LIMCH1: variants seen among roughly 807,000 people sequenced by gnomAD.
The protein encoded by LIMCH1 is LIM and calponin homology domains-containing protein 1.
Under a neutral mutation model 176.5 loss-of-function variants are expected in LIMCH1, and 113 were observed. That is an observed-to-expected ratio of 0.64 (90% CI 0.55 to 0.75). The LOEUF (loss-of-function observed/expected upper bound fraction) is 0.75, where lower values mean the gene tolerates loss of function less well. Among genes scored for constraint, LIMCH1 ranks in the 30% least tolerant of loss-of-function variants. LIMCH1 has a pLI of 0.00. For synonymous variants in LIMCH1, 619 were observed against 645.9 expected, an observed-to-expected ratio of 0.96 and a Z score of 0.63; for missense variants, 1,674 against 1,814.9, an observed-to-expected ratio of 0.92 and a Z score of 1.41.
At chr4:41,527,382 G>A (rs1307811625) in intron 3 of LIMCH1, among the ~76,000 whole-genome samples, 42 of 152,164 alleles carry the variant, frequency 2.8e-4, no homozygotes, top group Non-Finnish European at 4.4e-5. Context: ...CAAACTTACC[G>A]ATATCTATAA....
At chr4:41,514,279 G>A (rs1438726072) in intron 2 of LIMCH1, among the ~76,000 whole-genome samples, 4 of 152,150 alleles carry the variant, frequency 2.6e-5, no homozygotes. Flanking sequence ...TTTCTGTGAT[G>A]TGTGATAAAT....
At chr4:41,441,322 T>C (rs1241736203) in intron 1 of LIMCH1, among the ~76,000 whole-genome samples, 1 of 152,242 alleles carries the variant, frequency 6.6e-6, no homozygotes, top group African/African-American at 2.4e-5. Context: ...CTAATTAATG[T>C]ATTTTTAAAA....
At position 41,483,237 on chromosome 4, in the gene LIMCH1, T is replaced by C. The variant is rs1007991261; in HGVS notation, c.97-11299T>C. ...GAAGGAGAGAATGTATTTCTGCCTT[T>C]TGAGCTGGCAGGATAAAATGAAAAG... is the stretch of plus-strand genomic sequence containing the variant. On this transcript the variant is annotated intron_variant, in intron 1 of 26. Transcript: ENST00000313860. 9.2e-5 allele frequency among the ~76,000 whole-genome samples: 14 copies of C among 152,196 alleles called. No individual in the cohort carries two copies. The South Asian group carries it at 2.9e-3, about 32-fold the overall frequency.
chr4:41,457,930 A>G (rs185468053), intron 1 of LIMCH1, among the ~76,000 whole-genome samples: 17 of 152,346 alleles, frequency 1.1e-4, no homozygotes, highest in Admixed American at 1.1e-3. Context: ...TAGATGAGGA[A>G]CTACGAAATG....
At chr4:41,386,700 T>A (rs559561645) in intron 1 of LIMCH1, among the ~76,000 whole-genome samples, 1 of 152,226 alleles carries the variant, frequency 6.6e-6, no homozygotes, top group Non-Finnish European at 1.5e-5. Context: ...CCTGGCGTCA[T>A]GTGGGATACT....
chr4:41,677,213 T>G (rs190557721), intron 23 of LIMCH1, among the ~76,000 whole-genome samples: 452 of 149,788 alleles, frequency 3.0e-3, no homozygotes, highest in Middle Eastern at 0.018. Context: ...AGTTGGAGAC[T>G]AGCCTGAGAC....
In LIMCH1 at chr4:41,603,673, C is replaced by T. The variant is rs141535284; in HGVS notation, c.-133-202C>T. 5.2e-3 allele frequency among the ~76,000 whole-genome samples: 786 copies of T among 152,202 alleles called. 1 individual carries two copies. Among genetic ancestry groups the T allele is most frequent in the South Asian group, 0.01 (49 of 4,818 alleles). On this transcript the variant is annotated intron_variant, in intron 2 of 31. Transcript: ENST00000503057. ...TATAGCGTACTGTGGAACTTTAATC[C>T]CACCTTGTCCTTCTACATTTTGTTT...
intron 1 of LIMCH1, among the ~76,000 whole-genome samples, chr4:41,570,031 C>A (rs6850988): frequency 0.25 from 38,204 of 152,096 alleles, 6,025 homozygotes; most frequent in African/African-American, 0.44. Context: ...GTCTGCCCAG[C>A]ATGAACCACA....
At chr4:41,563,659 G>A (rs1471629693) in intron 1 of LIMCH1, among the ~76,000 whole-genome samples, 4 of 152,122 alleles carry the variant, frequency 2.6e-5, no homozygotes, top group Non-Finnish European at 2.9e-5. Context: ...TTGGAGAACA[G>A]CACCTCCCTC....
At chr4:41,528,620 G>A (rs147809206) in intron 3 of LIMCH1, among the ~76,000 whole-genome samples, 119 of 152,244 alleles carry the variant, frequency 7.8e-4, no homozygotes, top group Middle Eastern at 3.4e-3. Flanking sequence ...GCCACTGACC[G>A]TCTGTTGATC....
At chr4:41,671,370 T>C (rs1283499246) in intron 21 of LIMCH1, among the ~76,000 whole-genome samples, 184 bp from the exon 22 acceptor site, 1 of 151,068 alleles carries the variant, frequency 6.6e-6, no homozygotes, top group Non-Finnish European at 1.5e-5. Flanking sequence ...TGCTTTATTA[T>C]GATTTTCTAA....
intron 22 of LIMCH1, among the ~76,000 whole-genome samples, chr4:41,674,758 G>A (rs928821753): frequency 6.6e-6 from 1 of 152,238 alleles, no homozygotes; most frequent in Non-Finnish European, 1.5e-5. Context: ...ATGATAAAGT[G>A]TTGAATATCT....
chr4:41,456,304 A>C (rs1378915161), intron 1 of LIMCH1, among the ~76,000 whole-genome samples: 2 of 152,000 alleles, frequency 1.3e-5, no homozygotes, highest in Non-Finnish European at 2.9e-5. Context: ...TGCATCTTTG[A>C]TGCAAATTTT....
intron 1 of LIMCH1, among the ~76,000 whole-genome samples, chr4:41,598,124 A>T (rs963202592): frequency 6.6e-6 from 1 of 152,144 alleles, no homozygotes; most frequent in Non-Finnish European, 1.5e-5. Context: ...ACAGTTAGAG[A>T]CTTGTAGCTG....
At chr4:41,694,205 G>A (rs1375275924) in intron 31 of LIMCH1, among the ~76,000 whole-genome samples, 3 of 152,050 alleles carry the variant, frequency 2.0e-5, no homozygotes, top group African/African-American at 7.2e-5. Flanking sequence ...TAGAAAACAA[G>A]GCCCATTGTT....
chr4:41,638,861 C>T (rs6836918), intron 13 of LIMCH1, 71 bp from the exon 14 acceptor site: 337,832 of 1,300,812 alleles, frequency 0.26, 46,469 homozygotes, highest in South Asian at 0.34. Flanking sequence ...CCGGCAGTTT[C>T]TATTTCCAGC....
intron 1 of LIMCH1, among the ~76,000 whole-genome samples, chr4:41,413,327 T>A (rs1374888277): frequency 6.6e-6 from 1 of 151,766 alleles, no homozygotes; most frequent in East Asian, 1.9e-4. Flanking sequence ...TGAAAATGTA[T>A]CTACAATTTG....
intron 13 of LIMCH1, among the ~76,000 whole-genome samples, chr4:41,638,373 A>G (rs2093685407): frequency 6.6e-6 from 1 of 152,200 alleles, no homozygotes; most frequent in Non-Finnish European, 1.5e-5. Flanking sequence ...TTTCTGTCAA[A>G]TGCATGCGGA....
At chr4:41,540,859 G>A (rs6851430) in intron 1 of LIMCH1, among the ~76,000 whole-genome samples, 10,914 of 152,228 alleles carry the variant, frequency 0.072, 531 homozygotes, top group South Asian at 0.16. Flanking sequence ...CCTGATGGAC[G>A]CTGCAGTTGA....
Sources: allele counts gnomAD v4.1 joint callset (sites outside exome capture counted in the v4.1 genomes callset), GRCh38; gene constraint gnomAD v4.1.1; transcripts MANE v1.5; gene names NCBI Gene and HGNC (gene_info 2026-07-23, HGNC 2026-07-21).